RALGPS2: variants seen among roughly 807,000 people sequenced by gnomAD.
The protein encoded by RALGPS2 is ras-specific guanine nucleotide-releasing factor RalGPS2.
In RALGPS2, 43 loss-of-function variants were observed where a neutral mutation model predicts 86.8. The ratio of observed to expected loss-of-function variants is 0.50; its 90% confidence interval spans 0.39 to 0.64. The LOEUF (loss-of-function observed/expected upper bound fraction) is 0.64. Ranked by LOEUF, RALGPS2 falls within the 30% of genes least tolerant of loss-of-function variation. The pLI is 0.00. For synonymous variants in RALGPS2, 243 were observed against 231.3 expected, an observed-to-expected ratio of 1.05 and a Z score of -0.46; for missense variants, 536 against 694.6, an observed-to-expected ratio of 0.77 and a Z score of 2.57.
rs560285002 is a variant in RALGPS2 at position 178,776,811 on chromosome 1, C to T, written c.47C>T (p.Thr16Ile). ...GCAAGCAGTGTCAATATTGCAGCTACTGCTTCTGAGGTAAGATATTTAAGA... is the reference window on the plus strand; with the variant it reads ...GCAAGCAGTGTCAATATTGCAGCTATTGCTTCTGAGGTAAGATATTTAAGA... ...GQASSVNIAA[T>I]ASEKSSSSES... is the part of the protein sequence containing the mutation. Residue 16 changes from threonine (T) to isoleucine (I), a missense_variant, in exon 2 of 20, where the codon ACT becomes ATT. This residue lies in a region of RALGPS2 where 43 missense variants were observed against 34.9 expected (regional missense o/e 1.23). Transcript: ENST00000367635. 2.3e-5 allele frequency: 37 copies of T among 1,612,742 alleles called. No individual in the cohort carries two copies. The East Asian group carries it at 6.0e-4, about 26-fold the overall frequency.
intron 4 of RALGPS2, among the ~76,000 whole-genome samples, chr1:178,790,832 G>A (rs2102144159): frequency 6.6e-6 from 1 of 152,232 alleles, no homozygotes; most frequent in Admixed American, 6.5e-5. Flanking sequence ...AACCTATGAT[G>A]GCAGCCAGTT....
At chr1:178,747,329 GA>G (rs1446439788) in intron 1 of RALGPS2, 2 of 1,532,542 alleles carry the variant, frequency 1.3e-6, no homozygotes, top group Non-Finnish European at 1.8e-6. Context: ...ATGAAAGTGA[GA>G]TATTGTTCTG....
rs184897400 is a variant in RALGPS2, at chr1:178,863,109, A to G, written c.608-14389A>G. 5.9e-5 allele frequency among the ~76,000 whole-genome samples: 9 copies of G among 152,334 alleles called. No homozygotes were observed. In the South Asian group the frequency reaches 6.2e-4, roughly 11 times the overall value. On this transcript the variant is annotated intron_variant, in intron 8 of 19. Transcript: ENST00000367635. ...CCTAAGATCACACAGCTGGTAGCCT[A>G]TGGAGTCTCTGTCTTCTAGCTGCTG...
rs1230158197 is a variant in RALGPS2, at chr1:178,917,102, G to A, written c.*743G>A. 6.6e-6 allele frequency: 1 copy of A among 152,048 alleles called. No homozygotes were observed. Among genetic ancestry groups the A allele is most frequent in the Non-Finnish European group, 1.5e-5 (1 of 68,006 alleles). The allele number at this position is 152,048 out of a possible 1,614,324, so 9.4% of individuals were successfully genotyped here. A position where few individuals can be genotyped will look rare whatever the true frequency, so the allele number is the denominator to read the frequency against. On this transcript the variant is annotated 3_prime_UTR_variant, in exon 20 of 20. Coordinates refer to ENST00000367635, the MANE Select transcript of RALGPS2 (RefSeq NM_152663.5). ...AAGGCTGTGTGTTCATTTGCCAGACGCTTTTTTTTTAAATAGGTTCCAGAA... is the reference window on the plus strand; with the variant it reads ...AAGGCTGTGTGTTCATTTGCCAGACACTTTTTTTTTAAATAGGTTCCAGAA...
At chr1:178,838,428 C>T (rs1355631055) in intron 8 of RALGPS2, among the ~76,000 whole-genome samples, 1 of 152,188 alleles carries the variant, frequency 6.6e-6, no homozygotes, top group African/African-American at 2.4e-5. Context: ...TGGAGTGGAC[C>T]TCCAGCAAAC....
At chr1:178,754,502 G>A (rs1651853463) in intron 1 of RALGPS2, among the ~76,000 whole-genome samples, 2 of 152,134 alleles carry the variant, frequency 1.3e-5, no homozygotes, top group African/African-American at 2.4e-5. Flanking sequence ...AGTCCAAAGG[G>A]AGGAAAACAC....
chr1:178,784,633 A>G (rs1312159713), intron 3 of RALGPS2, 111 bp downstream of exon 3: 1 of 708,170 alleles, frequency 1.4e-6, no homozygotes, highest in South Asian at 3.4e-5. Flanking sequence ...AAACCTGGAT[A>G]TGGGAATTAT....
In RALGPS2 at chr1:178,886,102, T is replaced by C. The variant is rs1659470291; in HGVS notation, c.1174T>C (p.Ser392Pro). The change falls in exon 13 of 20, where the codon TCT (serine) becomes CCT (proline). Residue 392 changes from serine (S) to proline (P), a missense_variant. This residue lies in a region of RALGPS2 where 309 missense variants were observed against 363.0 expected (regional missense o/e 0.85). Coordinates refer to ENST00000367635, the MANE Select transcript of RALGPS2 (RefSeq NM_152663.5). ...AGGCCAAGCTGAAAGTTCTACTCTTTCTAGTGGAATATCAATAGGTGAGAA... is the reference window on the plus strand; with the variant it reads ...AGGCCAAGCTGAAAGTTCTACTCTTCCTAGTGGAATATCAATAGGTGAGAA... ...SRGQAESSTL[S>P]SGISIGSSDG... is the part of the protein sequence containing the mutation. The C allele has an allele frequency of 6.2e-7, 1 of 1,611,934 alleles. No individual in the cohort carries two copies. The highest frequency in any genetic ancestry group is 8.5e-7 in the Non-Finnish European group (1 of 1,179,456).
chr1:178,767,282 T>G (rs1386446896), intron 1 of RALGPS2, among the ~76,000 whole-genome samples: 1 of 152,122 alleles, frequency 6.6e-6, no homozygotes, highest in Non-Finnish European at 1.5e-5. Flanking sequence ...GTCTGGCCTT[T>G]TGAGTTTTTT....
Position 178,798,291 on chromosome 1 carries a change from G to A in RALGPS2, c.214-9754G>A, listed in dbSNP as rs185299745. ...ATTGTAGTAATTTTGTAACCACCTCGCGTTGCTATTACAGTGAGCTCAAGT... is the reference window on the plus strand; with the variant it reads ...ATTGTAGTAATTTTGTAACCACCTCACGTTGCTATTACAGTGAGCTCAAGT... On this transcript the variant is annotated intron_variant, in intron 4 of 19. Coordinates refer to ENST00000367635, the MANE Select transcript of RALGPS2 (RefSeq NM_152663.5). Among the ~76,000 whole-genome samples, 24 of 152,204 alleles carry A rather than the reference G, an allele frequency of 1.6e-4. 1 individual carries two copies. The East Asian group carries it at 4.6e-3, about 29-fold the overall frequency.
intron 8 of RALGPS2, among the ~76,000 whole-genome samples, chr1:178,854,903 G>A (rs1447134215): frequency 2.0e-5 from 3 of 151,984 alleles, no homozygotes; most frequent in Non-Finnish European, 4.4e-5. Context: ...CACATTTTTG[G>A]ATCAGGTGAA....
chr1:178,821,854 A>C (rs1307273387), intron 7 of RALGPS2, 150 bp downstream of exon 7: 2 of 686,154 alleles, frequency 2.9e-6, no homozygotes, highest in African/African-American at 3.7e-5. Context: ...TGATACCTAC[A>C]TTTTTTCTCC....
intron 4 of RALGPS2, among the ~76,000 whole-genome samples, chr1:178,799,421 G>A (rs1403456392): frequency 6.6e-6 from 1 of 152,088 alleles, no homozygotes; most frequent in Non-Finnish European, 1.5e-5. Flanking sequence ...AGAGAGGCAA[G>A]CACCACAATT....
intron 4 of RALGPS2, among the ~76,000 whole-genome samples, chr1:178,799,174 G>A (rs1206796138): frequency 6.6e-6 from 1 of 152,118 alleles, no homozygotes; most frequent in Admixed American, 6.5e-5. Context: ...TGAGTAGCTT[G>A]GATTACAGGC....
intron 1 of RALGPS2, among the ~76,000 whole-genome samples, chr1:178,729,633 A>C (rs1251525174): frequency 1.3e-5 from 2 of 152,270 alleles, no homozygotes; most frequent in Non-Finnish European, 2.9e-5. Context: ...GAGTGCCAGC[A>C]TGACTCTCAA....
intron 8 of RALGPS2, chr1:178,852,611 A>G: frequency 6.8e-7 from 1 of 1,479,852 alleles, no homozygotes. Flanking sequence ...TTAGTAGCAT[A>G]TATATTAGTA....
intron 18 of RALGPS2, among the ~76,000 whole-genome samples, chr1:178,903,564 A>G (rs1012748542): frequency 2.0e-5 from 3 of 152,116 alleles, no homozygotes; most frequent in Non-Finnish European, 2.9e-5. Context: ...TTGCATCCTC[A>G]TAGCTTAGCT....
chr1:178,870,959 G>A (rs1189865335), intron 8 of RALGPS2: 3 of 152,158 alleles, frequency 2.0e-5, no homozygotes, highest in East Asian at 1.9e-4. Flanking sequence ...GTAGTATAGT[G>A]GAAGTTCTGG....
chr1:178,859,828 C>CCA (rs1657867646), intron 8 of RALGPS2, among the ~76,000 whole-genome samples: 1 of 84,320 alleles, frequency 1.2e-5, no homozygotes, highest in Non-Finnish European at 2.7e-5. Context: ...CCGCCCCCCC[C>CCA]CCCCCAACCG....
Sources: allele counts gnomAD v4.1 joint callset (sites outside exome capture counted in the v4.1 genomes callset), GRCh38; gene constraint gnomAD v4.1.1; regional missense constraint gnomAD v4.1.1; transcripts MANE v1.5; gene names NCBI Gene and HGNC (gene_info 2026-07-23, HGNC 2026-07-21).